Variants in GALNS observed in about 807,000 individuals in gnomAD.
The protein encoded by GALNS is N-acetylgalactosamine-6-sulfatase.
GALNS carries 65 observed loss-of-function variants against 65.9 expected under a neutral mutation model. That is an observed-to-expected ratio of 0.99 (90% CI 0.81 to 1.21). GALNS has a LOEUF of 1.21. Among genes scored for constraint, GALNS ranks in the 50% most tolerant of loss-of-function variants. The probability of loss-of-function intolerance (pLI) is 0.00; values close to 1 mark genes in which losing one functional copy is unlikely to be tolerated. For synonymous variants in GALNS, 346 were observed against 288.9 expected, an observed-to-expected ratio of 1.20 and a Z score of -2.00; for missense variants, 776 against 700.7, an observed-to-expected ratio of 1.11 and a Z score of -1.21.
intron 8 of GALNS, among the ~76,000 whole-genome samples, chr16:88,832,738 G>T (rs889667171): frequency 6.0e-4 from 92 of 152,202 alleles, no homozygotes; most frequent in African/African-American, 2.2e-3. Context: ...GGCTCTCTCA[G>T]CTTCGGGTCC....
intron 1 of GALNS, among the ~76,000 whole-genome samples, chr16:88,853,634 C>T (rs1383838945): frequency 1.3e-5 from 2 of 152,186 alleles, no homozygotes; most frequent in East Asian, 1.9e-4. Flanking sequence ...TGTGTGTGGG[C>T]CAGAGTGGAA....
At chr16:88,855,826 G>C in intron 1 of GALNS, 1 of 507,136 alleles carries the variant, frequency 2.0e-6, no homozygotes, top group South Asian at 2.3e-5. Flanking sequence ...GAAGGCACCT[G>C]TCAGGGTCTC....
intron 4 of GALNS, chr16:88,840,457 A>G (rs1157011286): frequency 5.3e-6 from 1 of 187,332 alleles, no homozygotes; most frequent in Non-Finnish European, 1.1e-5. Flanking sequence ...AAGAAATGAA[A>G]CATCCTGTGC....
intron 9 of GALNS, among the ~76,000 whole-genome samples, chr16:88,830,817 C>T (rs957645724): frequency 1.3e-5 from 2 of 151,820 alleles, no homozygotes; most frequent in South Asian, 2.1e-4. Flanking sequence ...CCAACGGTCT[C>T]GTGTCGGGCT....
chr16:88,830,311 G>A (rs1431663877), intron 9 of GALNS, among the ~76,000 whole-genome samples: 1 of 151,988 alleles, frequency 6.6e-6, no homozygotes, highest in Non-Finnish European at 1.5e-5. Context: ...TTTGACGGTG[G>A]AGGGGCCAGG....
chr16:88,820,206 G>A (rs1439464509), intron 12 of GALNS, among the ~76,000 whole-genome samples: 2 of 152,086 alleles, frequency 1.3e-5, no homozygotes, highest in African/African-American at 4.8e-5. Flanking sequence ...TCAGCTCACT[G>A]CAACCTCCGC....
chr16:88,816,218 A>G, intron 13 of GALNS: 1 of 984,964 alleles, frequency 1.0e-6, no homozygotes, highest in Non-Finnish European at 1.2e-6. Flanking sequence ...GTGTGCGCCC[A>G]CCTCCCCTGC....
intron 4 of GALNS, chr16:88,837,980 C>T: frequency 1.8e-6 from 1 of 567,222 alleles, no homozygotes; most frequent in Non-Finnish European, 3.2e-6. Context: ...AGCGTCTGGG[C>T]ACAACCGAGG....
chr16:88,834,017 C>T (rs1272774166), intron 8 of GALNS, among the ~76,000 whole-genome samples: 2 of 152,138 alleles, frequency 1.3e-5, no homozygotes, highest in East Asian at 3.9e-4. Context: ...ACACCACCCT[C>T]CCCCCACCCA....
At chr16:88,836,118 C>A in intron 6 of GALNS, 83 bp downstream of exon 6, 1 of 1,326,086 alleles carries the variant, frequency 7.5e-7, no homozygotes, top group Non-Finnish European at 1.1e-6. Context: ...GCATTCCTGT[C>A]CCCACGCCTC....
At position 88,840,985 on chromosome 16, in the gene GALNS, G is replaced by T; in HGVS notation, c.422+7C>A. 2 of 1,610,326 alleles carry T rather than the reference G, an allele frequency of 1.2e-6. No homozygotes were observed. Among genetic ancestry groups the T allele is most frequent in the Non-Finnish European group, 1.7e-6 (2 of 1,177,266 alleles). ...GACGCCTGGGCAGGCGTGGCCAGGAGACTTACCACTTGCCGACAATCTTGC... is the reference window on the plus strand; with the variant it reads ...GACGCCTGGGCAGGCGTGGCCAGGATACTTACCACTTGCCGACAATCTTGC... On this transcript the variant is annotated splice_region_variant and intron_variant, in intron 4 of 13. Coordinates refer to ENST00000268695, the MANE Select transcript of GALNS (RefSeq NM_000512.5).
At chr16:88,841,785 G>T in intron 3 of GALNS, 112 bp downstream of exon 3, 1 of 932,200 alleles carries the variant, frequency 1.1e-6, no homozygotes, top group South Asian at 1.4e-5. Flanking sequence ...AGGCACCAGC[G>T]GTACCCCACC....
chr16:88,854,242 A>G (rs1567547155), intron 1 of GALNS, among the ~76,000 whole-genome samples: 1 of 152,262 alleles, frequency 6.6e-6, no homozygotes, highest in Non-Finnish European at 1.5e-5. Context: ...TTGCAGGTTC[A>G]GACGCCAGCG....
chr16:88,821,716 C>A (rs554631264), intron 12 of GALNS, among the ~76,000 whole-genome samples: 2 of 152,208 alleles, frequency 1.3e-5, no homozygotes, highest in African/African-American at 4.8e-5. Context: ...CTGCCTCCCA[C>A]CGGCCCTACT....
chr16:88,830,944 C>T (rs188925217), intron 9 of GALNS, among the ~76,000 whole-genome samples: 1 of 152,282 alleles, frequency 6.6e-6, no homozygotes, highest in East Asian at 1.9e-4. Context: ...TGCTCTAAGC[C>T]CCTTCTAGAA....
At chr16:88,814,964 C>G in intron 13 of GALNS, 1 of 878,308 alleles carries the variant, frequency 1.1e-6, no homozygotes, top group Non-Finnish European at 1.4e-6. Context: ...AACTTCTGAC[C>G]TCAGGTGATC....
rs1206506936 is a variant in GALNS at position 88,837,729 on chromosome 16, C to T, written c.459G>A (p.Lys153=). The part of the protein sequence containing the change: ...LGHRPQFHPL[K]HGFDEWFGSP... Reference sequence around the variant, plus strand: ...ATCCAAACCACTCATCAAATCCGTGCTTCAGGGGGTGGAACTGGGGCCTGT... The same window carrying T: ...ATCCAAACCACTCATCAAATCCGTGTTTCAGGGGGTGGAACTGGGGCCTGT... The change falls in exon 5 of 14, where the codon AAG becomes AAA. Residue 153 remains lysine, a synonymous_variant. Transcript: ENST00000268695. 1 of 1,613,910 alleles carries T rather than the reference C, an allele frequency of 6.2e-7. No individual in the cohort carries two copies. Among genetic ancestry groups the T allele is most frequent in the Non-Finnish European group, 8.5e-7 (1 of 1,180,022 alleles).
intron 11 of GALNS, among the ~76,000 whole-genome samples, chr16:88,822,994 C>T (rs1056257105): frequency 2.6e-5 from 4 of 152,204 alleles, no homozygotes; most frequent in Non-Finnish European, 4.4e-5. Flanking sequence ...GCCCGAGATG[C>T]GTAGCTGGCA....
chr16:88,852,126 T>A (rs1967534027), intron 1 of GALNS, among the ~76,000 whole-genome samples: 1 of 152,158 alleles, frequency 6.6e-6, no homozygotes, highest in African/African-American at 2.4e-5. Context: ...TGACACCTCA[T>A]ACAGGCAGGT....
Sources: gnomAD v4.1 joint callset for allele counts (sites outside exome capture counted in the v4.1 genomes callset) on GRCh38, gnomAD v4.1.1 for gene constraint, MANE v1.5 for transcripts, NCBI Gene and HGNC (gene_info 2026-07-23, HGNC 2026-07-21) for gene names.